The following PLB1 variants were observed in gnomAD, a reference collection of about 807,000 sequenced individuals.
PLB1 encodes phospholipase B1.
A neutral mutation model predicts 227.4 loss-of-function variants in PLB1; 242 were observed. That is an observed-to-expected ratio of 1.06 (90% CI 0.96 to 1.18). The LOEUF is 1.18. Among genes scored for constraint, PLB1 ranks in the 50% most tolerant of loss-of-function variants. The pLI, the probability that PLB1 is intolerant of heterozygous loss-of-function variation, is 0.00. For synonymous variants in PLB1, 757 were observed against 682.2 expected, an observed-to-expected ratio of 1.11 and a Z score of -1.71; for missense variants, 1,858 against 1,816.3, an observed-to-expected ratio of 1.02 and a Z score of -0.42.
intron 56 of PLB1, among the ~76,000 whole-genome samples, chr2:28,639,948 T>G (rs987397984): frequency 3.9e-5 from 6 of 152,316 alleles, no homozygotes; most frequent in Admixed American, 1.3e-4. Context: ...CAGCAGAGCC[T>G]GGATCCCAGC....
chr2:28,551,795 T>C (rs374936659), intron 16 of PLB1, among the ~76,000 whole-genome samples: 38 of 152,366 alleles, frequency 2.5e-4, no homozygotes, highest in East Asian at 1.7e-3. Flanking sequence ...AAAGCACTTA[T>C]AATAGAATCT....
At chr2:28,583,259 C>T (rs1401554514) in intron 25 of PLB1, among the ~76,000 whole-genome samples, 1 of 151,730 alleles carries the variant, frequency 6.6e-6, no homozygotes, top group African/African-American at 2.4e-5. Context: ...GATCTTGGCT[C>T]ACTGCAGTCT....
At position 28,582,137 on chromosome 2, in the gene PLB1, C is replaced by T. The variant is rs373791742; in HGVS notation, c.1632+4C>T. 1.4e-5 allele frequency: 22 copies of T among 1,612,924 alleles called. No individual in the cohort carries two copies. Among genetic ancestry groups the T allele is most frequent in the South Asian group, 5.5e-5 (5 of 91,060 alleles). On this transcript the variant is annotated splice_donor_region_variant and intron_variant, in intron 24 of 57. Coordinates refer to ENST00000327757, the MANE Select transcript of PLB1 (RefSeq NM_153021.5). ...CCTGGACATCCTCCATGCTGAGGTA[C>T]GGAGGCTAGGCCATGAGGCCTGCAT...
At chr2:28,554,992 C>G (rs1572941342) in intron 17 of PLB1, among the ~76,000 whole-genome samples, 1 of 152,054 alleles carries the variant, frequency 6.6e-6, no homozygotes. Flanking sequence ...AGCATGGGAC[C>G]CAAACACTCG....
Position 28,507,082 on chromosome 2 carries a change from A to G in PLB1, c.56-9726A>G, listed in dbSNP as rs141905058. The stretch of plus-strand genomic sequence containing the variant: ...CAGGTCCCGTTTAAAGTTCTGGCCA[A>G]TGGTGGCTGAGGTGAAGCTAGAGCT... On this transcript the variant is annotated intron_variant, in intron 1 of 57. Coordinates refer to ENST00000327757, the MANE Select transcript of PLB1 (RefSeq NM_153021.5). Among the ~76,000 whole-genome samples, 1,016 of 152,264 alleles carry G rather than the reference A, an allele frequency of 6.7e-3. 12 individuals are homozygous for G. The highest frequency in any genetic ancestry group is 0.023 in the African/African-American group (963 of 41,556).
intron 43 of PLB1, among the ~76,000 whole-genome samples, chr2:28,606,801 C>A (rs1054677522): frequency 1.3e-5 from 2 of 152,006 alleles, no homozygotes; most frequent in Admixed American, 1.3e-4. Flanking sequence ...GAGGCCTGGG[C>A]CCCAGCAGAG....
chr2:28,540,328 C>T (rs757591840), intron 11 of PLB1, 38 bp from the exon 12 acceptor site: 1 of 1,581,360 alleles, frequency 6.3e-7, no homozygotes, highest in Non-Finnish European at 8.7e-7. Flanking sequence ...GCCCACACTG[C>T]CTCCCCTCTC....
chr2:28,614,286 G>A (rs1235587027), intron 44 of PLB1, among the ~76,000 whole-genome samples, 190 bp downstream of exon 44: 4 of 152,140 alleles, frequency 2.6e-5, no homozygotes, highest in Non-Finnish European at 4.4e-5. Context: ...TTCTCAAGTT[G>A]CTTACCTGAC....
intron 43 of PLB1, among the ~76,000 whole-genome samples, chr2:28,608,136 T>G (rs929012824): frequency 2.0e-5 from 3 of 152,160 alleles, no homozygotes; most frequent in African/African-American, 7.2e-5. Context: ...TTTGCAGAGG[T>G]GAGCAGATCC....
intron 24 of PLB1, 73 bp from the exon 25 acceptor site, chr2:28,582,332 G>T: frequency 2.9e-6 from 4 of 1,357,742 alleles, no homozygotes; most frequent in Non-Finnish European, 4.2e-6. Flanking sequence ...TTCAGCAGGA[G>T]GAGCAGGCCC....
At chr2:28,568,195 C>T (rs1197485587) in intron 20 of PLB1, among the ~76,000 whole-genome samples, 1 of 152,326 alleles carries the variant, frequency 6.6e-6, no homozygotes, top group Non-Finnish European at 1.5e-5. Context: ...TAAATCAGTT[C>T]CTCTATTGCT....
At chr2:28,545,039 T>G (rs1293458591) in intron 14 of PLB1, among the ~76,000 whole-genome samples, 1 of 152,070 alleles carries the variant, frequency 6.6e-6, no homozygotes, top group Non-Finnish European at 1.5e-5. Flanking sequence ...GATGGTCCCA[T>G]GCATACAAAT....
intron 10 of PLB1, 65 bp downstream of exon 10, chr2:28,538,446 A>G (rs1005133940): frequency 1.0e-5 from 15 of 1,484,910 alleles, no homozygotes; most frequent in Non-Finnish European, 1.4e-5. Flanking sequence ...TGTGGCCTCC[A>G]CCGGGGTGGG....
At chr2:28,569,974 A>C (rs1677724211) in intron 20 of PLB1, among the ~76,000 whole-genome samples, 1 of 138,038 alleles carries the variant, frequency 7.2e-6, no homozygotes, top group African/African-American at 2.5e-5. Flanking sequence ...TCAAAAAAAA[A>C]AAAAAGAAAG....
At chr2:28,504,691 G>T (rs953035783) in intron 1 of PLB1, among the ~76,000 whole-genome samples, 2 of 152,036 alleles carry the variant, frequency 1.3e-5, no homozygotes, top group Non-Finnish European at 2.9e-5. Flanking sequence ...GCAGTGAGCC[G>T]AGATTGGGCC....
intron 46 of PLB1, among the ~76,000 whole-genome samples, chr2:28,619,788 T>C (rs1320413202): frequency 2.6e-5 from 4 of 152,016 alleles, no homozygotes; most frequent in African/African-American, 9.7e-5. Flanking sequence ...GTAAGGAAAG[T>C]AGAAACCAGA....
At chr2:28,547,224 A>AG (rs1162534435) in intron 14 of PLB1, among the ~76,000 whole-genome samples, 1 of 151,924 alleles carries the variant, frequency 6.6e-6, no homozygotes, top group East Asian at 1.9e-4. Context: ...AAAGAAAAAA[A>AG]AAAAATTGGG....
At chr2:28,578,021 A>G (rs1679278899) in intron 21 of PLB1, 86 bp from the exon 22 acceptor site, 1 of 1,354,932 alleles carries the variant, frequency 7.4e-7, no homozygotes, top group Non-Finnish European at 1.1e-6. Context: ...GCCTTCCTCC[A>G]CCATACATTT....
chr2:28,620,195 G>C, intron 46 of PLB1, 70 bp from the exon 47 acceptor site: 1 of 1,097,144 alleles, frequency 9.1e-7, no homozygotes, highest in Admixed American at 2.9e-5. Flanking sequence ...GCTACCCCAG[G>C]GCCAGAGGAG....
Sources: allele counts gnomAD v4.1 joint callset (sites outside exome capture counted in the v4.1 genomes callset), GRCh38; gene constraint gnomAD v4.1.1; transcripts MANE v1.5; gene names NCBI Gene and HGNC (gene_info 2026-07-23, HGNC 2026-07-21).